Variants in DOCK2 observed in about 807,000 individuals in gnomAD.
DOCK2 encodes dedicator of cytokinesis protein 2.
In DOCK2, 87 loss-of-function variants were observed where a neutral mutation model predicts 248.9. The ratio of observed to expected loss-of-function variants is 0.35; its 90% CI spans 0.29 to 0.42. The LOEUF (loss-of-function observed/expected upper bound fraction) is 0.42, where lower values mean the gene tolerates loss of function less well. Ranked by LOEUF, DOCK2 falls within the 10% of genes least tolerant of loss-of-function variation. The probability of loss-of-function intolerance (pLI) is 1.00; values close to 1 mark genes in which losing one functional copy is unlikely to be tolerated. For missense variants in DOCK2, 1,747 were observed against 2,300.2 expected (o/e 0.76, Z 4.92); for synonymous variants, 805 against 821.6 (o/e 0.98, Z 0.35).
intron 2 of DOCK2, among the ~76,000 whole-genome samples, chr5:169,660,366 C>G (rs190670718): frequency 3.9e-5 from 6 of 152,240 alleles, no homozygotes; most frequent in Non-Finnish European, 1.5e-5. Flanking sequence ...CAAATAAAAT[C>G]AGAGGAATGA....
intron 47 of DOCK2, among the ~76,000 whole-genome samples, chr5:170,076,329 T>C (rs187655683): frequency 2.2e-4 from 34 of 152,292 alleles, no homozygotes; most frequent in Admixed American, 2.2e-3. Context: ...CAAGGGACTG[T>C]GTAATAATAA....
chr5:169,692,537 C>CG (rs1356113354), intron 9 of DOCK2, among the ~76,000 whole-genome samples: 17 of 128,318 alleles, frequency 1.3e-4, no homozygotes, highest in East Asian at 2.4e-4. Context: ...GGTGGGGTGG[C>CG]GGGGGGGCGC....
intron 50 of DOCK2, 197 bp downstream of exon 50, chr5:170,080,480 C>T (rs990246617): frequency 2.6e-6 from 2 of 770,044 alleles, no homozygotes; most frequent in Admixed American, 6.0e-5. Flanking sequence ...ACCATCCCAG[C>T]AAGCTCCAGC....
chr5:169,911,209 G>A (rs762212826), intron 27 of DOCK2, among the ~76,000 whole-genome samples: 5 of 152,146 alleles, frequency 3.3e-5, no homozygotes, highest in Non-Finnish European at 7.3e-5. Context: ...GGTATGTGCT[G>A]TGCTTTGAAA....
chr5:169,974,020 C>T (rs1373443247), intron 27 of DOCK2, among the ~76,000 whole-genome samples: 1 of 152,184 alleles, frequency 6.6e-6, no homozygotes, highest in African/African-American at 2.4e-5. Flanking sequence ...CGATCACACA[C>T]TTTTCCTTTC....
rs1431835669 is a variant in DOCK2, at chr5:169,702,280, GTCTC to G, written c.1259-16_1259-13del. On this transcript the variant is annotated intron_variant, in intron 13 of 51. Transcript: ENST00000520908. ...CCTGCTGTAATCCACACTAACTCTT[GTCTC>G]TCTCTCCCTCTGCCTCAGGGGATGT... The G allele has an allele frequency of 1.9e-6, 3 of 1,611,746 alleles. No individual in the cohort carries two copies. Among genetic ancestry groups the G allele is most frequent in the South Asian group, 1.1e-5 (1 of 90,908 alleles).
intron 26 of DOCK2, among the ~76,000 whole-genome samples, chr5:169,813,756 T>C (rs934535276): frequency 1.3e-5 from 2 of 152,240 alleles, no homozygotes; most frequent in African/African-American, 4.8e-5. Context: ...CTGCTGTGGC[T>C]TCTTTCCTAA....
intron 15 of DOCK2, among the ~76,000 whole-genome samples, chr5:169,710,096 T>C (rs1761491765): frequency 6.6e-6 from 1 of 152,202 alleles, no homozygotes; most frequent in Non-Finnish European, 1.5e-5. Flanking sequence ...CTGAGGCCAG[T>C]CATGAACATA....
At chr5:169,909,491 C>G (rs1774474261) in intron 27 of DOCK2, among the ~76,000 whole-genome samples, 1 of 152,198 alleles carries the variant, frequency 6.6e-6, no homozygotes, top group Admixed American at 6.5e-5. Flanking sequence ...GATTCACACT[C>G]CATCAGGTAC....
chr5:169,761,904 C>G (rs1764508871), intron 25 of DOCK2, among the ~76,000 whole-genome samples: 1 of 152,002 alleles, frequency 6.6e-6, no homozygotes, highest in Non-Finnish European at 1.5e-5. Flanking sequence ...TTATTGCTGT[C>G]TTTAACTCAA....
At chr5:169,867,334 C>G (rs1246957606) in intron 27 of DOCK2, among the ~76,000 whole-genome samples, 2 of 152,162 alleles carry the variant, frequency 1.3e-5, no homozygotes, top group African/African-American at 2.4e-5. Context: ...AGGCCTAACT[C>G]ACCCAACGTG....
intron 19 of DOCK2, among the ~76,000 whole-genome samples, chr5:169,715,438 A>G (rs1761843308): frequency 6.6e-6 from 1 of 152,144 alleles, no homozygotes; most frequent in Non-Finnish European, 1.5e-5. Context: ...GAATTTCCAG[A>G]TGCCGTAAAT....
chr5:169,670,439 C>T, intron 3 of DOCK2, 103 bp from the exon 4 acceptor site: 1 of 1,326,594 alleles, frequency 7.5e-7, no homozygotes, highest in Non-Finnish European at 1.0e-6. Context: ...ATTTTATAAG[C>T]CAGTAGCTTT....
At chr5:169,975,305 T>C (rs1021600063) in intron 27 of DOCK2, among the ~76,000 whole-genome samples, 5 of 152,190 alleles carry the variant, frequency 3.3e-5, no homozygotes, top group South Asian at 4.1e-4. Flanking sequence ...GGAAAATGCT[T>C]CTCTAAAGAG....
chr5:169,703,471 G>T (rs1761091446), intron 14 of DOCK2, among the ~76,000 whole-genome samples: 1 of 152,140 alleles, frequency 6.6e-6, no homozygotes, highest in African/African-American at 2.4e-5. Flanking sequence ...GTCAGAGATG[G>T]GGTTTGACTG....
chr5:169,813,372 C>T (rs1258984724), intron 26 of DOCK2, among the ~76,000 whole-genome samples: 1 of 152,208 alleles, frequency 6.6e-6, no homozygotes. Flanking sequence ...GAAATACTGT[C>T]TCCAGCTCTG....
intron 25 of DOCK2, among the ~76,000 whole-genome samples, chr5:169,786,657 G>GA (rs1307493118): frequency 6.6e-6 from 1 of 152,138 alleles, no homozygotes. Context: ...CAATCTTTAA[G>GA]AGCACCGGCT....
intron 27 of DOCK2, among the ~76,000 whole-genome samples, chr5:169,974,081 C>T (rs1777623541): frequency 3.3e-5 from 5 of 152,100 alleles, no homozygotes; most frequent in Admixed American, 3.3e-4. Context: ...AAGATCATAC[C>T]ATGGTTGCAA....
At chr5:169,948,770 A>G (rs1776545756) in intron 27 of DOCK2, among the ~76,000 whole-genome samples, 1 of 151,552 alleles carries the variant, frequency 6.6e-6, no homozygotes, top group African/African-American at 2.4e-5. Flanking sequence ...GTGCCACTAC[A>G]CCTGGCTCAC....
Sources: allele counts gnomAD v4.1 joint callset (sites outside exome capture counted in the v4.1 genomes callset), GRCh38; gene constraint gnomAD v4.1.1; transcripts MANE v1.5; gene names NCBI Gene and HGNC (gene_info 2026-07-23, HGNC 2026-07-21).